KCNH8: variants seen among roughly 807,000 people sequenced by gnomAD.
The protein encoded by KCNH8 is voltage-gated delayed rectifier potassium channel KCNH8.
KCNH8 carries 70 observed loss-of-function variants against 103.6 expected under a neutral mutation model. The observed-to-expected ratio is 0.68, with a 90% CI of 0.56 to 0.82. The LOEUF (loss-of-function observed/expected upper bound fraction) is 0.82. Ranked by LOEUF, KCNH8 falls within the 40% of genes least tolerant of loss-of-function variation. The probability of loss-of-function intolerance (pLI) is 0.00; values close to 1 mark genes in which losing one functional copy is unlikely to be tolerated. For synonymous variants in KCNH8, 498 were observed against 489.4 expected (o/e 1.02, Z -0.23); for missense variants, 1,217 against 1,329.9 (o/e 0.92, Z 1.32).
At chr3:19,219,624 T>C (rs971101639) in intron 1 of KCNH8, among the ~76,000 whole-genome samples, 2 of 152,302 alleles carry the variant, frequency 1.3e-5, no homozygotes, top group Admixed American at 6.5e-5. Flanking sequence ...CAACATGGCT[T>C]TTCCATGCCA....
chr3:19,412,755 C>T (rs1025301201), intron 7 of KCNH8, among the ~76,000 whole-genome samples: 3 of 151,996 alleles, frequency 2.0e-5, no homozygotes, highest in African/African-American at 7.2e-5. Flanking sequence ...AAGACATACA[C>T]ATGGCCAACA....
intron 11 of KCNH8, among the ~76,000 whole-genome samples, chr3:19,494,254 A>G (rs1190141166): frequency 6.6e-6 from 1 of 152,184 alleles, no homozygotes; most frequent in African/African-American, 2.4e-5. Flanking sequence ...CCCCACACAA[A>G]TCTCGTCTTG....
chr3:19,467,691 T>G (rs2067771069), intron 11 of KCNH8, among the ~76,000 whole-genome samples: 1 of 152,210 alleles, frequency 6.6e-6, no homozygotes, highest in Non-Finnish European at 1.5e-5. Context: ...CTGCCTCCAC[T>G]TGTATCCTCT....
chr3:19,496,041 T>A (rs1015144479), intron 11 of KCNH8, among the ~76,000 whole-genome samples: 4 of 152,188 alleles, frequency 2.6e-5, no homozygotes, highest in African/African-American at 9.6e-5. Flanking sequence ...ATTTTCTACA[T>A]TGATTTTGTA....
chr3:19,427,415 T>A lies in KCNH8; in HGVS notation c.1178-10749T>A, dbSNP rs1003338972. Among the ~76,000 whole-genome samples the A allele has an allele frequency of 2.0e-5, 3 of 152,202 alleles. No homozygotes were observed. The South Asian group carries it at 6.2e-4, about 32-fold the overall frequency. ...TCTGTAAGTGAAATTAGAAGTCAAA[T>A]GCCAATGAATGGTATGGTTAAAATG... is the stretch of plus-strand genomic sequence containing the variant. On this transcript the variant is annotated intron_variant, in intron 7 of 15. Coordinates refer to ENST00000328405, the MANE Select transcript of KCNH8 (RefSeq NM_144633.3).
In KCNH8 at chr3:19,372,792, A is replaced by T. The variant is rs190398671; in HGVS notation, c.812-17689A>T. On this transcript the variant is annotated intron_variant, in intron 5 of 15. Transcript: ENST00000328405. ...TTATTTTGAAATATGTCCCATCAAT[A>T]CCGAATTTATTGAGAGTTTTTAGCA... Among the ~76,000 whole-genome samples the T allele has an allele frequency of 1.9e-3, 291 of 152,246 alleles. 5 individuals are homozygous for T. Among genetic ancestry groups the T allele is most frequent in the African/African-American group, 6.7e-3 (279 of 41,516 alleles).
rs1414097931 is a variant in KCNH8, at chr3:19,457,088, A to C, written c.2040+106A>C. The C allele has an allele frequency of 1.2e-5, 8 of 683,606 alleles. No individual in the cohort carries two copies. The East Asian group carries it at 1.9e-4, about 16-fold the overall frequency. 42.3% of individuals were successfully genotyped at this position (683,606 alleles called of 1,614,324 possible). ...TGACCTCACCTTAAAAAGTCTCTGAATATCTAAGACGTGAATATTCAGCCA... is the reference window on the plus strand; with the variant it reads ...TGACCTCACCTTAAAAAGTCTCTGACTATCTAAGACGTGAATATTCAGCCA... On this transcript the variant is annotated intron_variant, in intron 11 of 15. Transcript: ENST00000328405.
chr3:19,288,181 C>CTTTTTTTTTTTT (rs767659898), intron 3 of KCNH8, among the ~76,000 whole-genome samples: 2 of 38,178 alleles, frequency 5.2e-5, no homozygotes, highest in African/African-American at 9.6e-5. Flanking sequence ...TATCAAACTT[C>CTTTTTTTTTTTT]TTTTTTTTTT....
intron 5 of KCNH8, among the ~76,000 whole-genome samples, chr3:19,386,347 T>C (rs1559302176): frequency 6.6e-6 from 1 of 152,168 alleles, no homozygotes; most frequent in East Asian, 1.9e-4. Context: ...ATAATTCAAT[T>C]ATATTCTGCT....
intron 10 of KCNH8, among the ~76,000 whole-genome samples, chr3:19,454,975 T>C (rs1472740869): frequency 6.6e-6 from 1 of 152,216 alleles, no homozygotes; most frequent in Non-Finnish European, 1.5e-5. Context: ...ATAGGGCTAA[T>C]TCAAATCAAT....
At chr3:19,500,923 G>A (rs997640448) in intron 11 of KCNH8, among the ~76,000 whole-genome samples, 11 of 152,174 alleles carry the variant, frequency 7.2e-5, no homozygotes, top group African/African-American at 2.7e-4. Flanking sequence ...AAATAACTAA[G>A]ATCAGAGCAG....
chr3:19,260,516 A>ATC, intron 2 of KCNH8, among the ~76,000 whole-genome samples: 1 of 126,526 alleles, frequency 7.9e-6, no homozygotes, highest in Non-Finnish European at 1.7e-5. Flanking sequence ...ATATATATAT[A>ATC]TATATATATA....
intron 3 of KCNH8, among the ~76,000 whole-genome samples, chr3:19,312,584 C>G (rs545711328): frequency 6.6e-6 from 1 of 151,966 alleles, no homozygotes; most frequent in East Asian, 1.9e-4. Context: ...AAATTCTTAG[C>G]TCTTCAGTGG....
chr3:19,292,621 C>T (rs2064944219), intron 3 of KCNH8, among the ~76,000 whole-genome samples: 1 of 152,204 alleles, frequency 6.6e-6, no homozygotes, highest in Non-Finnish European at 1.5e-5. Flanking sequence ...TGGGACTGCG[C>T]AGCCCGTGGT....
chr3:19,322,436 T>G (rs539128213), intron 3 of KCNH8, among the ~76,000 whole-genome samples: 3 of 152,314 alleles, frequency 2.0e-5, no homozygotes, highest in East Asian at 1.9e-4. Flanking sequence ...GACTTTATCT[T>G]TCCTTCATTT....
intron 11 of KCNH8, among the ~76,000 whole-genome samples, chr3:19,463,927 G>A (rs1327580382): frequency 1.3e-5 from 2 of 152,086 alleles, no homozygotes; most frequent in Admixed American, 1.3e-4. Context: ...TATGTAAAAT[G>A]TAGGATTTAT....
intron 3 of KCNH8, among the ~76,000 whole-genome samples, chr3:19,287,395 T>C (rs2064846495): frequency 6.6e-6 from 1 of 152,152 alleles, no homozygotes; most frequent in African/African-American, 2.4e-5. Flanking sequence ...AAGAGAGTGC[T>C]GGGAGAGAAA....
chr3:19,500,985 G>T (rs1434344351), intron 11 of KCNH8, among the ~76,000 whole-genome samples: 1 of 152,102 alleles, frequency 6.6e-6, no homozygotes, highest in African/African-American at 2.4e-5. Flanking sequence ...AACAAATCCA[G>T]GAGCTGGTTT....
At chr3:19,441,206 C>G (rs772283350) in intron 8 of KCNH8, among the ~76,000 whole-genome samples, 4 of 152,134 alleles carry the variant, frequency 2.6e-5, no homozygotes, top group Non-Finnish European at 4.4e-5. Flanking sequence ...CAAAGAGAAC[C>G]CTGGCTCCCT....
Sources: gnomAD v4.1 joint callset for allele counts (sites outside exome capture counted in the v4.1 genomes callset) on GRCh38, gnomAD v4.1.1 for gene constraint, MANE v1.5 for transcripts, NCBI Gene and HGNC (gene_info 2026-07-23, HGNC 2026-07-21) for gene names.